NTRK3: variants seen among roughly 807,000 people sequenced by gnomAD.
The protein encoded by NTRK3 is NT-3 growth factor receptor.
In NTRK3, 24 loss-of-function variants were observed where a neutral mutation model predicts 91.7. The observed-to-expected ratio is 0.26, with a 90% CI of 0.19 to 0.37. NTRK3 has a LOEUF of 0.37. Among genes scored for constraint, NTRK3 ranks in the 10% least tolerant of loss-of-function variants. NTRK3 has a pLI of 1.00. For synonymous variants in NTRK3, 483 were observed against 404.0 expected, an observed-to-expected ratio of 1.20 and a Z score of -2.34; for missense variants, 880 against 1,068.9, an observed-to-expected ratio of 0.82 and a Z score of 2.46.
chr15:88,255,831 C>T lies in NTRK3; in HGVS notation c.248+75G>A. The T allele has an allele frequency of 2.2e-6, 3 of 1,360,930 alleles. No individual in the cohort carries two copies. Among genetic ancestry groups the T allele is most frequent in the East Asian group, 2.9e-5 (1 of 34,112 alleles). 84.3% of individuals were successfully genotyped at this position (1,360,930 alleles called of 1,614,324 possible). A position where few individuals can be genotyped will look rare whatever the true frequency, so the allele number is the denominator to read the frequency against. The stretch of plus-strand genomic sequence containing the variant: ...CGAGCTGGGGCGGGCGGAGGGCCGG[C>T]TCCCGGCCGCGGGTGGGCAGGAGGG... On this transcript the variant is annotated intron_variant, in intron 3 of 18. Transcript: ENST00000394480. The surrounding 1 kb of genome is among the most constrained non-coding windows in gnomAD (Gnocchi z 4.3).
intron 3 of NTRK3, among the ~76,000 whole-genome samples, chr15:88,199,949 C>A (rs143840234): frequency 6.6e-6 from 1 of 152,218 alleles, no homozygotes; most frequent in Non-Finnish European, 1.5e-5. Context: ...GAAGGAAAAA[C>A]CTACAGGTGG....
At chr15:87,911,357 G>T (rs1177125033) in intron 17 of NTRK3, among the ~76,000 whole-genome samples, 1 of 152,204 alleles carries the variant, frequency 6.6e-6, no homozygotes, top group East Asian at 1.9e-4. Flanking sequence ...CTGTTGTAGA[G>T]TTGGCTTTTA....
chr15:87,882,145 C>T (rs960616382), intron 17 of NTRK3, among the ~76,000 whole-genome samples: 38 of 152,134 alleles, frequency 2.5e-4, no homozygotes, highest in African/African-American at 9.2e-4. Context: ...ATACACCCAC[C>T]TTGGCCTCCC....
At chr15:87,986,445 C>T (rs1883289704) in intron 14 of NTRK3, among the ~76,000 whole-genome samples, 1 of 152,222 alleles carries the variant, frequency 6.6e-6, no homozygotes, top group African/African-American at 2.4e-5. Context: ...ACCCCATCAC[C>T]AGAAGTAACC....
At chr15:88,202,208 T>C (rs2048363104) in intron 3 of NTRK3, among the ~76,000 whole-genome samples, 3 of 152,190 alleles carry the variant, frequency 2.0e-5, no homozygotes, top group Non-Finnish European at 4.4e-5. Context: ...AATCCAATCC[T>C]AAGCGGGGAG....
intron 16 of NTRK3, among the ~76,000 whole-genome samples, chr15:87,929,928 T>C (rs1043131561): frequency 1.3e-5 from 2 of 152,296 alleles, no homozygotes; most frequent in Admixed American, 6.5e-5. Flanking sequence ...AATCAGGAAG[T>C]AGGATCTGAA....
chr15:88,061,584 G>T (rs2046220974), intron 13 of NTRK3, among the ~76,000 whole-genome samples: 1 of 152,238 alleles, frequency 6.6e-6, no homozygotes, highest in South Asian at 2.1e-4. Flanking sequence ...GGCTGGAGAG[G>T]ATGGGCCCAC....
chr15:88,050,258 T>G (rs2080692871), intron 13 of NTRK3, among the ~76,000 whole-genome samples: 1 of 152,094 alleles, frequency 6.6e-6, no homozygotes, highest in African/African-American at 2.4e-5. Context: ...AAACTAGACT[T>G]TTACAGGTGG....
At chr15:88,248,777 G>C (rs913255093) in intron 3 of NTRK3, among the ~76,000 whole-genome samples, 2 of 152,160 alleles carry the variant, frequency 1.3e-5, no homozygotes, top group African/African-American at 2.4e-5. Context: ...TAGAGTGCTT[G>C]GCACAGTGTC....
At chr15:88,200,114 T>C (rs559024089) in intron 3 of NTRK3, among the ~76,000 whole-genome samples, 37 of 152,350 alleles carry the variant, frequency 2.4e-4, no homozygotes, top group Non-Finnish European at 4.6e-4. Flanking sequence ...GAGCCCAGGC[T>C]CTGAGCCTCT....
At chr15:88,146,005 C>T (rs2042859221) in intron 6 of NTRK3, among the ~76,000 whole-genome samples, 1 of 152,210 alleles carries the variant, frequency 6.6e-6, no homozygotes. Context: ...TGCTAAGCAT[C>T]TCAGTGTCCT....
intron 17 of NTRK3, among the ~76,000 whole-genome samples, chr15:87,895,779 CT>C (rs34398729): frequency 0.7 from 105,351 of 149,512 alleles, 37,144 homozygotes; most frequent in Non-Finnish European, 0.73. Context: ...AATCCTTTAT[CT>C]TTTTTTTTTC....
At chr15:88,029,823 G>A (rs2078368931) in intron 14 of NTRK3, among the ~76,000 whole-genome samples, 1 of 152,214 alleles carries the variant, frequency 6.6e-6, no homozygotes, top group Non-Finnish European at 1.5e-5. Flanking sequence ...CTTGGAGTCT[G>A]TTCCCTCGAC....
chr15:88,033,112 C>G, intron 13 of NTRK3, 67 bp from the exon 14 acceptor site: 1 of 1,464,252 alleles, frequency 6.8e-7, no homozygotes, highest in Non-Finnish European at 9.2e-7. Context: ...GCCCTGTCCA[C>G]AGACAACCCC....
intron 3 of NTRK3, among the ~76,000 whole-genome samples, chr15:88,211,141 C>A (rs549502966): frequency 1.6e-4 from 24 of 152,262 alleles, no homozygotes; most frequent in African/African-American, 5.1e-4. Flanking sequence ...TTGTCATCAC[C>A]CCCCAAAAAA....
At chr15:87,926,214 T>C (rs1170946442) in intron 17 of NTRK3, among the ~76,000 whole-genome samples, 1 of 152,218 alleles carries the variant, frequency 6.6e-6, no homozygotes. Context: ...TTCATTTTGA[T>C]GTGACTTCAG....
At chr15:87,870,434 G>A (rs985791336) in exon 19 of NTRK3, 9 of 206,036 alleles carry the variant, frequency 4.4e-5, no homozygotes, top group African/African-American at 2.1e-4. Context: ...GACTCAGGGG[G>A]AAAGTGTGGG....
chr15:88,124,316 G>A (rs904059807), intron 13 of NTRK3, among the ~76,000 whole-genome samples: 2 of 152,206 alleles, frequency 1.3e-5, no homozygotes, highest in South Asian at 2.1e-4. Flanking sequence ...CCTGGGAGAG[G>A]GGAGCAGGGG....
intron 14 of NTRK3, among the ~76,000 whole-genome samples, chr15:87,971,869 G>A (rs560376131): frequency 6.6e-6 from 1 of 152,316 alleles, no homozygotes; most frequent in East Asian, 1.9e-4. Context: ...TTGAAGGTCA[G>A]GATTTCATGA....
Sources: gnomAD v4.1 joint callset for allele counts (sites outside exome capture counted in the v4.1 genomes callset) on GRCh38, gnomAD v4.1.1 for gene constraint, Gnocchi (gnomAD v3.1) non-coding constraint, MANE v1.5 for transcripts, NCBI Gene and HGNC (gene_info 2026-07-23, HGNC 2026-07-21) for gene names.